The following GALNT13 variants were observed in gnomAD, a reference collection of about 807,000 sequenced individuals.
The protein encoded by GALNT13 is polypeptide N-acetylgalactosaminyltransferase 13, also known as UDP-GalNAc:polypeptide N-acetylgalactosaminyltransferase 13.
In GALNT13, 28 loss-of-function variants were observed where a neutral mutation model predicts 64.2. The ratio of observed to expected loss-of-function variants is 0.44; its 90% confidence interval spans 0.32 to 0.60. The LOEUF (loss-of-function observed/expected upper bound fraction) is 0.60. Ranked by LOEUF, GALNT13 falls within the 20% of genes least tolerant of loss-of-function variation. The pLI, the probability that GALNT13 is intolerant of heterozygous loss-of-function variation, is 0.05. For missense variants in GALNT13, 577 were observed against 669.8 expected (o/e 0.86, Z 1.53); for synonymous variants, 214 against 224.6 (o/e 0.95, Z 0.42).
chr2:153,966,122 G>A (rs1053093673), intron 3 of GALNT13, among the ~76,000 whole-genome samples: 1 of 151,428 alleles, frequency 6.6e-6, no homozygotes, highest in African/African-American at 2.4e-5. Flanking sequence ...TTCTAAGAAG[G>A]GTTGATGTTG....
At chr2:154,193,870 G>A (rs1472523067) in intron 4 of GALNT13, among the ~76,000 whole-genome samples, 3 of 152,056 alleles carry the variant, frequency 2.0e-5, no homozygotes, top group Non-Finnish European at 4.4e-5. Context: ...AATAATAATA[G>A]CAGCCTATTT....
chr2:154,261,306 A>G (rs1295752151), intron 8 of GALNT13, among the ~76,000 whole-genome samples: 1 of 152,200 alleles, frequency 6.6e-6, no homozygotes, highest in Non-Finnish European at 1.5e-5. Context: ...AACAATATCA[A>G]GTGTTTTAAA....
At chr2:153,312,296 A>G in the GALNT13 span, among the ~76,000 whole-genome samples, 1 of 152,184 alleles carries the variant, frequency 6.6e-6, no homozygotes. Context: ...GAGTTGAATT[A>G]AGGCTTCCAT....
chr2:154,153,647 C>A (rs2105634880), intron 4 of GALNT13, among the ~76,000 whole-genome samples: 1 of 152,326 alleles, frequency 6.6e-6, no homozygotes, highest in East Asian at 1.9e-4. Flanking sequence ...GGGCGCCCCT[C>A]TCCCAGCCTG....
the GALNT13 span, among the ~76,000 whole-genome samples, chr2:153,810,219 T>G: frequency 6.6e-6 from 1 of 152,140 alleles, no homozygotes; most frequent in Non-Finnish European, 1.5e-5. Flanking sequence ...CACTTCAGCC[T>G]CCCAAAGTTC....
intron 12 of GALNT13, among the ~76,000 whole-genome samples, chr2:154,442,700 A>G (rs1339552283): frequency 7.9e-5 from 12 of 152,090 alleles, no homozygotes; most frequent in Admixed American, 7.9e-4. Context: ...TGTTCCAATC[A>G]ATTTAGAATA....
At chr2:153,354,642 G>A in the GALNT13 span, among the ~76,000 whole-genome samples, 8 of 152,140 alleles carry the variant, frequency 5.3e-5, no homozygotes, top group African/African-American at 1.9e-4. Flanking sequence ...TCTGGGTAAG[G>A]TTGGCAGACA....
intron 4 of GALNT13, among the ~76,000 whole-genome samples, chr2:154,198,755 G>C (rs1687015370): frequency 6.6e-6 from 1 of 151,954 alleles, no homozygotes; most frequent in Non-Finnish European, 1.5e-5. Context: ...GGGTAGGAGG[G>C]AACTGAAGGG....
intron 3 of GALNT13, among the ~76,000 whole-genome samples, chr2:153,997,799 C>T (rs546354135): frequency 2.5e-4 from 38 of 152,212 alleles, no homozygotes; most frequent in East Asian, 5.8e-4. Context: ...CCCTAGCCCC[C>T]GAGCCCCCGA....
the GALNT13 span, among the ~76,000 whole-genome samples, chr2:153,702,719 AG>A: frequency 6.6e-6 from 1 of 152,120 alleles, no homozygotes; most frequent in African/African-American, 2.4e-5. Context: ...CAATGGGGAG[AG>A]TGGATATTAA....
intron 9 of GALNT13, among the ~76,000 whole-genome samples, chr2:154,311,878 A>G (rs549181753): frequency 1.0e-3 from 157 of 152,338 alleles, no homozygotes; most frequent in African/African-American, 3.5e-3. Flanking sequence ...GAAGAGAAAT[A>G]TGGCTCTGTT....
chr2:153,757,781 C>A, the GALNT13 span, among the ~76,000 whole-genome samples: 1 of 152,142 alleles, frequency 6.6e-6, no homozygotes, highest in African/African-American at 2.4e-5. Flanking sequence ...TGAATGTCTT[C>A]TTTTAAGAAA....
At chr2:154,231,349 G>T (rs977039477) in intron 4 of GALNT13, among the ~76,000 whole-genome samples, 2 of 151,920 alleles carry the variant, frequency 1.3e-5, no homozygotes, top group Non-Finnish European at 2.9e-5. Flanking sequence ...ACCTATCTGT[G>T]GTTATGATTT....
rs113157414 is a variant in GALNT13, at chr2:154,357,486, G to C, written c.1157-38505G>C. On this transcript the variant is annotated intron_variant, in intron 9 of 12. Coordinates refer to ENST00000392825, the MANE Select transcript of GALNT13 (RefSeq NM_052917.4). ...AAGTGGGGTGCTGCTGACATTTAAG[G>C]CGTGTAAAAAGGCATGCAAATTATT... Among the ~76,000 whole-genome samples the C allele has an allele frequency of 1.5e-3, 227 of 152,084 alleles. 2 individuals are homozygous for C. The highest frequency in any genetic ancestry group is 4.8e-3 in the African/African-American group (198 of 41,474).
chr2:153,578,111 A>G, the GALNT13 span, among the ~76,000 whole-genome samples: 11,439 of 152,180 alleles, frequency 0.075, 765 homozygotes, highest in African/African-American at 0.18. Flanking sequence ...TGTCTTTAAA[A>G]TAGTTTCCTT....
At chr2:153,337,203 G>A in the GALNT13 span, among the ~76,000 whole-genome samples, 9 of 152,144 alleles carry the variant, frequency 5.9e-5, no homozygotes, top group Non-Finnish European at 1.2e-4. Flanking sequence ...GCTTATTTGA[G>A]ATATCATAAT....
the GALNT13 span, among the ~76,000 whole-genome samples, chr2:153,471,229 G>T: frequency 2.6e-5 from 4 of 152,094 alleles, no homozygotes; most frequent in Non-Finnish European, 4.4e-5. Context: ...AGCACAGAAG[G>T]CCCCTTTAAA....
chr2:153,566,348 G>GTTTTGTTTTTTTTTT, the GALNT13 span, among the ~76,000 whole-genome samples: 35 of 74,800 alleles, frequency 4.7e-4, 1 homozygote, highest in African/African-American at 1.0e-3. Flanking sequence ...TTCTAATCAC[G>GTTTTGTTTTTTTTTT]TTTTTTTTTT....
intron 9 of GALNT13, among the ~76,000 whole-genome samples, chr2:154,312,476 A>C (rs74864627): frequency 0.019 from 2,910 of 152,236 alleles, 93 homozygotes; most frequent in African/African-American, 0.065. Flanking sequence ...ACTTTTATCT[A>C]TTCATAGATC....
Sources: allele counts gnomAD v4.1 joint callset (sites outside exome capture counted in the v4.1 genomes callset), GRCh38; gene constraint gnomAD v4.1.1; transcripts MANE v1.5; gene names NCBI Gene and HGNC (gene_info 2026-07-23, HGNC 2026-07-21).